Variants in CTNNA2 observed in about 807,000 individuals in gnomAD.
The protein encoded by CTNNA2 is catenin alpha 2.
A neutral mutation model predicts 101.0 loss-of-function variants in CTNNA2; 42 were observed. The observed-to-expected ratio is 0.42, with a 90% CI of 0.32 to 0.54. The LOEUF is 0.54. Among genes scored for constraint, CTNNA2 ranks in the 20% least tolerant of loss-of-function variants. The pLI, the probability that CTNNA2 is intolerant of heterozygous loss-of-function variation, is 0.14. For synonymous variants in CTNNA2, 450 were observed against 456.4 expected (o/e 0.99, Z 0.18); for missense variants, 871 against 1,223.1 (o/e 0.71, Z 4.29).
At chr2:80,108,853 CT>C (rs1701041910) in intron 7 of CTNNA2, among the ~76,000 whole-genome samples, 1 of 152,148 alleles carries the variant, frequency 6.6e-6, no homozygotes, top group Non-Finnish European at 1.5e-5. Context: ...TGTTTACACA[CT>C]TTATGAGATG....
chr2:80,062,806 C>G (rs562455027), intron 7 of CTNNA2, among the ~76,000 whole-genome samples: 1 of 151,060 alleles, frequency 6.6e-6, no homozygotes, highest in Non-Finnish European at 1.5e-5. Flanking sequence ...GCCATGTTCA[C>G]GCCATTCTCC....
chr2:79,500,701 T>C (rs1289042142), intron 4 of CTNNA2: 1 of 152,232 alleles, frequency 6.6e-6, no homozygotes, highest in Admixed American at 6.5e-5. Flanking sequence ...GATGAGATTG[T>C]CTCACGGGAG....
intron 7 of CTNNA2, chr2:80,305,385 A>G (rs1479240745): frequency 1.0e-6 from 1 of 984,502 alleles, no homozygotes; most frequent in African/African-American, 1.7e-5. Context: ...GGCTCCACAG[A>G]TACATATGGG....
intron 5 of CTNNA2, among the ~76,000 whole-genome samples, chr2:79,506,478 C>A (rs973792232): frequency 4.6e-5 from 7 of 152,118 alleles, no homozygotes; most frequent in African/African-American, 1.7e-4. Flanking sequence ...CCACCTGTAC[C>A]ACCTGCCAAC....
At chr2:80,069,941 T>G (rs1698222816) in intron 7 of CTNNA2, among the ~76,000 whole-genome samples, 1 of 152,236 alleles carries the variant, frequency 6.6e-6, no homozygotes, top group Non-Finnish European at 1.5e-5. Context: ...GTCTGGAATG[T>G]GTTGTAGTCT....
intron 2 of CTNNA2, among the ~76,000 whole-genome samples, chr2:79,257,338 T>G (rs1674861007): frequency 6.6e-6 from 1 of 151,726 alleles, no homozygotes. Context: ...AGAAAACACT[T>G]AAGGATAACC....
At chr2:79,565,597 G>T (rs920632991) in intron 1 of CTNNA2, among the ~76,000 whole-genome samples, 1 of 152,150 alleles carries the variant, frequency 6.6e-6, no homozygotes, top group African/African-American at 2.4e-5. Flanking sequence ...TATTCAGGAG[G>T]TAGATAGAAC....
chr2:79,468,302 AG>A (rs1355021632), intron 4 of CTNNA2, among the ~76,000 whole-genome samples: 1 of 152,224 alleles, frequency 6.6e-6, no homozygotes, highest in African/African-American at 2.4e-5. Context: ...AGAATGGTAA[AG>A]GGATGAATTC....
At chr2:80,427,677 C>T (rs939878016) in intron 9 of CTNNA2, among the ~76,000 whole-genome samples, 4 of 152,240 alleles carry the variant, frequency 2.6e-5, no homozygotes, top group Admixed American at 6.5e-5. Flanking sequence ...GCTTGGAAGT[C>T]AGAGTCAAAC....
chr2:79,434,889 G>C (rs1678697261), intron 4 of CTNNA2, among the ~76,000 whole-genome samples: 1 of 152,148 alleles, frequency 6.6e-6, no homozygotes, highest in African/African-American at 2.4e-5. Flanking sequence ...CTTTCTTCCA[G>C]TCCTGCCCCA....
chr2:79,321,720 G>T (rs562318533), intron 3 of CTNNA2, among the ~76,000 whole-genome samples: 4 of 152,124 alleles, frequency 2.6e-5, no homozygotes, highest in Non-Finnish European at 5.9e-5. Context: ...GGCTACCTTC[G>T]TGAGTTAGAG....
At chr2:79,266,335 T>A (rs1674986085) in intron 2 of CTNNA2, among the ~76,000 whole-genome samples, 1 of 152,148 alleles carries the variant, frequency 6.6e-6, no homozygotes, top group South Asian at 2.1e-4. Flanking sequence ...TGGATGAAGA[T>A]CACTTTGAGG....
chr2:79,622,079 G>A (rs1679032592), intron 1 of CTNNA2, among the ~76,000 whole-genome samples: 2 of 152,114 alleles, frequency 1.3e-5, no homozygotes, highest in Admixed American at 6.5e-5. Context: ...CAAAAACTGA[G>A]GAAATCTGAA....
At chr2:79,436,536 C>A (rs1479657297) in intron 4 of CTNNA2, among the ~76,000 whole-genome samples, 1 of 152,118 alleles carries the variant, frequency 6.6e-6, no homozygotes. Context: ...GGTCTGGGGT[C>A]TGTTCTGGGC....
At chr2:80,159,280 C>T (rs1428591823) in intron 7 of CTNNA2, among the ~76,000 whole-genome samples, 7 of 152,174 alleles carry the variant, frequency 4.6e-5, no homozygotes, top group South Asian at 2.1e-4. Context: ...TTCCCTATAT[C>T]CTCTGCCACC....
intron 18 of CTNNA2, among the ~76,000 whole-genome samples, chr2:80,627,557 T>C (rs1263518494): frequency 6.6e-6 from 1 of 152,130 alleles, no homozygotes; most frequent in Non-Finnish European, 1.5e-5. Flanking sequence ...CACTTTTTGA[T>C]GGTTTTTTTC....
chr2:79,253,397 A>C (rs1338200418), intron 2 of CTNNA2, among the ~76,000 whole-genome samples: 2 of 152,228 alleles, frequency 1.3e-5, no homozygotes, highest in African/African-American at 4.8e-5. Context: ...ATAGATGTGC[A>C]GGGAAAGGCT....
At chr2:79,791,284 A>C (rs1484937389) in intron 3 of CTNNA2, among the ~76,000 whole-genome samples, 1 of 152,152 alleles carries the variant, frequency 6.6e-6, no homozygotes, top group Non-Finnish European at 1.5e-5. Context: ...GAATCTCATG[A>C]GATCCTGAAG....
chr2:80,259,466 C>G (rs1672426836), intron 7 of CTNNA2, among the ~76,000 whole-genome samples: 1 of 152,186 alleles, frequency 6.6e-6, no homozygotes, highest in Non-Finnish European at 1.5e-5. Flanking sequence ...AGCCCCTGAG[C>G]TGCCTCCAGT....
Sources: gnomAD v4.1 joint callset for allele counts (sites outside exome capture counted in the v4.1 genomes callset) on GRCh38, gnomAD v4.1.1 for gene constraint, MANE v1.5 for transcripts, NCBI Gene and HGNC (gene_info 2026-07-23, HGNC 2026-07-21) for gene names.